The following NECTIN3 variants were observed in gnomAD, a reference collection of about 807,000 sequenced individuals.
The protein encoded by NECTIN3 is nectin-3.
Under a neutral mutation model 49.4 loss-of-function variants are expected in NECTIN3, and 8 were observed. The ratio of observed to expected loss-of-function variants is 0.16; its 90% CI spans 0.10 to 0.29. The LOEUF (loss-of-function observed/expected upper bound fraction) is 0.29. NECTIN3 is among the 10% of genes least tolerant of loss of function. The probability of loss-of-function intolerance (pLI) is 1.00; values close to 1 mark genes in which losing one functional copy is unlikely to be tolerated. For synonymous variants in NECTIN3, 277 were observed against 241.1 expected (o/e 1.15, Z -1.38); for missense variants, 581 against 654.6 (o/e 0.89, Z 1.23).
intron 7 of NECTIN3, among the ~76,000 whole-genome samples, chr3:111,185,785 C>G (rs1576187402): frequency 6.6e-6 from 1 of 152,152 alleles, no homozygotes; most frequent in African/African-American, 2.4e-5. Flanking sequence ...CAACAAGAAT[C>G]CTAGGTATTA....
At chr3:111,124,152 G>A (rs1458204259) in intron 4 of NECTIN3, among the ~76,000 whole-genome samples, 3 of 152,062 alleles carry the variant, frequency 2.0e-5, no homozygotes, top group Non-Finnish European at 1.5e-5. Context: ...TAAATGGGAA[G>A]CAGTCATTAG....
chr3:111,174,041 G>C (rs1172844785), intron 7 of NECTIN3, among the ~76,000 whole-genome samples: 1 of 152,078 alleles, frequency 6.6e-6, no homozygotes, highest in African/African-American at 2.4e-5. Context: ...GGGTGGCTCT[G>C]TAGGCTTGGG....
intron 7 of NECTIN3, among the ~76,000 whole-genome samples, chr3:111,156,748 A>T (rs1346005504): frequency 6.6e-6 from 1 of 152,148 alleles, no homozygotes; most frequent in African/African-American, 2.4e-5. Flanking sequence ...CCTAGGCATG[A>T]TAATAGACAC....
chr3:111,077,149 T>C (rs1388541544), intron 1 of NECTIN3: 1 of 424,550 alleles, frequency 2.4e-6, no homozygotes, highest in Non-Finnish European at 4.8e-6. Flanking sequence ...AAGGATATTA[T>C]ATATTTATAT....
intron 3 of NECTIN3, 136 bp from the exon 4 acceptor site, chr3:111,121,981 TATTG>T: frequency 1.7e-6 from 1 of 581,458 alleles, no homozygotes; most frequent in Non-Finnish European, 3.0e-6. Flanking sequence ...GTGTCTTCTG[TATTG>T]ATTATACATG....
chr3:111,093,425 G>A, intron 1 of NECTIN3, among the ~76,000 whole-genome samples: 1 of 73,218 alleles, frequency 1.4e-5, no homozygotes, highest in African/African-American at 2.7e-5. Flanking sequence ...TATTTTGTTG[G>A]GTTTTTTTTT....
intron 6 of NECTIN3, among the ~76,000 whole-genome samples, chr3:111,145,977 T>C (rs2034864290): frequency 6.6e-6 from 1 of 152,218 alleles, no homozygotes; most frequent in Admixed American, 6.5e-5. Flanking sequence ...AAGTACTTTA[T>C]CTCAATGAGC....
At chr3:111,158,189 C>A (rs1304793677) in intron 7 of NECTIN3, among the ~76,000 whole-genome samples, 1 of 152,010 alleles carries the variant, frequency 6.6e-6, no homozygotes, top group Non-Finnish European at 1.5e-5. Flanking sequence ...TGAATGATAT[C>A]TTTACAGTAG....
chr3:111,086,887 C>T (rs1283196718), intron 1 of NECTIN3, among the ~76,000 whole-genome samples: 1 of 151,886 alleles, frequency 6.6e-6, no homozygotes, highest in Non-Finnish European at 1.5e-5. Context: ...TGAGGTTTTC[C>T]TTAAATAAAA....
intron 7 of NECTIN3, among the ~76,000 whole-genome samples, chr3:111,150,891 T>C (rs2034987598): frequency 1.3e-5 from 2 of 151,988 alleles, no homozygotes; most frequent in African/African-American, 2.4e-5. Flanking sequence ...TGAATTAAAT[T>C]TTTTAAAACT....
rs2033750018 is a variant in NECTIN3, at chr3:111,117,739, A to T, written c.503-917A>T. On this transcript the variant is annotated intron_variant, in intron 2 of 5. Coordinates refer to ENST00000485303, the MANE Select transcript of NECTIN3 (RefSeq NM_015480.3). ...ATTGAAATAAAAACTCAATGCACAG[A>T]GTAAACTAAAGACTGAACACAAAAT... Among the ~76,000 whole-genome samples, 5 of 152,234 alleles carry T rather than the reference A, an allele frequency of 3.3e-5. No individual in the cohort carries two copies. In the South Asian group the frequency reaches 1.0e-3, roughly 32 times the overall value.
At position 111,112,016 on chromosome 3, in the gene NECTIN3, T is replaced by A; in HGVS notation, c.161-14T>A. On this transcript the variant is annotated splice_polypyrimidine_tract_variant and intron_variant, in intron 1 of 5. Transcript: ENST00000485303. Reference sequence around the variant, plus strand: ...TCTATTTTAAAAATTGTAGTACTTTTTTTTCCTCCATAGGTGCCTTAGCTG... The same window carrying A: ...TCTATTTTAAAAATTGTAGTACTTTATTTTCCTCCATAGGTGCCTTAGCTG... 2 of 1,560,786 alleles carry A rather than the reference T, an allele frequency of 1.3e-6. No individual in the cohort carries two copies. Among genetic ancestry groups the A allele is most frequent in the Non-Finnish European group, 1.7e-6 (2 of 1,153,916 alleles).
At chr3:111,072,278 GT>G in intron 1 of NECTIN3, 101 bp downstream of exon 1, 1 of 1,457,004 alleles carries the variant, frequency 6.9e-7, no homozygotes, top group Non-Finnish European at 9.0e-7. Flanking sequence ...CAGCGAGGCG[GT>G]TGGTTGTGCG....
intron 7 of NECTIN3, among the ~76,000 whole-genome samples, chr3:111,176,864 A>T (rs907026052): frequency 2.0e-5 from 3 of 152,080 alleles, no homozygotes; most frequent in Non-Finnish European, 4.4e-5. Flanking sequence ...GGAAAAATAG[A>T]TTGTTGGTAA....
Position 111,090,944 on chromosome 3 carries a change from G to A in NECTIN3, c.160+18767G>A, listed in dbSNP as rs573571578. On this transcript the variant is annotated intron_variant, in intron 1 of 5. Transcript: ENST00000485303. ...CATTAGTGCTAGTGTGTGTGTGTGT[G>A]TATCTCATAAGCATTTTTATTGTTT... Among the ~76,000 whole-genome samples the A allele has an allele frequency of 1.5e-3, 235 of 151,942 alleles. 1 individual carries two copies. The highest frequency in any genetic ancestry group is 5.5e-3 in the African/African-American group (230 of 41,474).
At chr3:111,154,109 T>C (rs2035052456) in intron 7 of NECTIN3, among the ~76,000 whole-genome samples, 1 of 152,132 alleles carries the variant, frequency 6.6e-6, no homozygotes, top group Non-Finnish European at 1.5e-5. Flanking sequence ...ATCAAAATAT[T>C]GTACATATCC....
intron 5 of NECTIN3, among the ~76,000 whole-genome samples, chr3:111,132,840 G>T (rs2034442605): frequency 6.6e-6 from 1 of 151,870 alleles, no homozygotes; most frequent in South Asian, 2.1e-4. Flanking sequence ...TAGATAACTT[G>T]CCCATAGGGT....
intron 1 of NECTIN3, 50 bp downstream of exon 1, chr3:111,072,227 G>C (rs1292086900): frequency 6.6e-7 from 1 of 1,504,312 alleles, no homozygotes; most frequent in South Asian, 1.3e-5. Context: ...GCCACTGAGG[G>C]TGCGGGCGCC....
chr3:111,118,607 A>G (rs2033809922), intron 2 of NECTIN3, 49 bp from the exon 3 acceptor site: 3 of 1,430,228 alleles, frequency 2.1e-6, no homozygotes, highest in Non-Finnish European at 2.8e-6. Flanking sequence ...AAAGATATAA[A>G]CATATTCTTG....
Sources: allele counts gnomAD v4.1 joint callset (sites outside exome capture counted in the v4.1 genomes callset), GRCh38; gene constraint gnomAD v4.1.1; transcripts MANE v1.5; gene names NCBI Gene and HGNC (gene_info 2026-07-23, HGNC 2026-07-21).